The following ARHGEF10 variants were observed in gnomAD, a reference collection of about 807,000 sequenced individuals.
ARHGEF10 encodes Rho guanine nucleotide exchange factor (GEF) 10.
Under a neutral mutation model 147.4 loss-of-function variants are expected in ARHGEF10, and 140 were observed. That is an observed-to-expected ratio of 0.95 (90% CI 0.83 to 1.09). The LOEUF is 1.09. ARHGEF10 is among the 50% of genes least tolerant of loss of function. ARHGEF10 has a pLI of 0.00. For missense variants in ARHGEF10, 2,222 were observed against 1,752.7 expected (o/e 1.27, Z -4.78); for synonymous variants, 902 against 695.8 (o/e 1.30, Z -4.67).
In ARHGEF10 at chr8:1,903,562, C is replaced by T. The variant is rs143817896; in HGVS notation, c.1821+111C>T. The stretch of plus-strand genomic sequence containing the variant: ...TTGGATCGTTTGGAGTAATTCCCTT[C>T]GCCCAGAGTTCTTAACCGGGGTGGA... On this transcript the variant is annotated intron_variant, in intron 16 of 28. Transcript: ENST00000349830. The T allele has an allele frequency of 7.1e-5, 100 of 1,415,942 alleles. No individual in the cohort carries two copies. In the African/African-American group the frequency reaches 1.2e-3, roughly 17 times the overall value. 87.7% of individuals were successfully genotyped at this position (1,415,942 alleles called of 1,614,324 possible).
At position 1,952,754 on chromosome 8, in the gene ARHGEF10, G is replaced by T. The variant is rs767841968; in HGVS notation, c.3447G>T (p.Leu1149=). The part of the protein sequence containing the change: ...VTSLLVCHGL[L]MVGTSLGVLV... Reference sequence around the variant, plus strand: ...GCCTGCTCGTCTGCCACGGATTGCTGATGGTCGGCACCAGCCTGGGAGTCC... The same window carrying T: ...GCCTGCTCGTCTGCCACGGATTGCTTATGGTCGGCACCAGCCTGGGAGTCC... The change falls in exon 28 of 29, where the codon CTG becomes CTT. Residue 1149 remains leucine (L), a synonymous_variant. Transcript: ENST00000349830. 1 of 1,613,464 alleles carries T rather than the reference G, an allele frequency of 6.2e-7. No homozygotes were observed. The highest frequency in any genetic ancestry group is 8.5e-7 in the Non-Finnish European group (1 of 1,180,026).
upstream of ARHGEF10, among the ~76,000 whole-genome samples, chr8:1,823,531 G>A (rs1178480262): frequency 5.9e-5 from 9 of 152,256 alleles, no homozygotes; most frequent in South Asian, 1.0e-3. Flanking sequence ...GGTGCTCTGG[G>A]AGAGGGTTAG....
chr8:1,845,605 C>G (rs959934903), intron 2 of ARHGEF10, among the ~76,000 whole-genome samples: 3 of 152,144 alleles, frequency 2.0e-5, no homozygotes, highest in Non-Finnish European at 4.4e-5. Context: ...CCTGTTTTGC[C>G]CTCTGTTTCA....
rs2129092720 is a variant in ARHGEF10 at position 1,869,178 on chromosome 8, T to A, written c.623-16T>A. On this transcript the variant is annotated splice_polypyrimidine_tract_variant and intron_variant, in intron 6 of 28. Transcript: ENST00000349830. ...TGTTGGTCACTGTTTAAAGTGTTTC[T>A]CCCCGTTTATTGCAGATCCAGAGGA... 6.2e-7 allele frequency: 1 copy of A among 1,611,344 alleles called. No individual in the cohort carries two copies. Among genetic ancestry groups the A allele is most frequent in the Middle Eastern group, 1.7e-4 (1 of 6,060 alleles).
chr8:1,887,271 A>AG (rs1185442080), intron 11 of ARHGEF10, among the ~76,000 whole-genome samples: 7 of 152,278 alleles, frequency 4.6e-5, no homozygotes, highest in Admixed American at 2.6e-4. Flanking sequence ...GGGACTAAAC[A>AG]GGAATCATAA....
intron 7 of ARHGEF10, among the ~76,000 whole-genome samples, chr8:1,871,710 C>T (rs978798911): frequency 1.3e-5 from 2 of 152,152 alleles, no homozygotes; most frequent in East Asian, 1.9e-4. Flanking sequence ...TCCAGCTACT[C>T]GGGTGGCTGA....
intron 15 of ARHGEF10, among the ~76,000 whole-genome samples, chr8:1,901,492 G>T (rs1235599042): frequency 1.3e-5 from 2 of 152,322 alleles, no homozygotes; most frequent in East Asian, 1.9e-4. Context: ...AACATCCATT[G>T]GCCCTGTGAC....
At position 1,859,979 on chromosome 8, in the gene ARHGEF10, TTC is replaced by T. The variant is rs762515316; in HGVS notation, c.278_279del (p.Ser93CysfsTer20). 3.1e-6 allele frequency: 5 copies of T among 1,614,158 alleles called. No individual in the cohort carries two copies. The highest frequency in any genetic ancestry group is 4.2e-6 in the Non-Finnish European group (5 of 1,180,018). ...LVLPMKVNPY[S>X]VIDITPFQED... ...TGCTCCCGATGAAAGTCAACCCATA[TTC>T]TGTCATCGACATCACGCCATTCCAG... is the stretch of plus-strand genomic sequence containing the variant. On this transcript the variant is annotated frameshift_variant, in exon 4 of 29. Transcript: ENST00000349830. LOFTEE classifies it high-confidence loss of function.
At chr8:1,908,513 T>G (rs1390343301) in intron 17 of ARHGEF10, among the ~76,000 whole-genome samples, 1 of 152,162 alleles carries the variant, frequency 6.6e-6, no homozygotes, top group African/African-American at 2.4e-5. Context: ...ATTACAGGCG[T>G]GAGCCACCGC....
At chr8:1,887,718 G>GAAA (rs2129137364) in intron 11 of ARHGEF10, among the ~76,000 whole-genome samples, 1 of 150,024 alleles carries the variant, frequency 6.7e-6, no homozygotes, top group African/African-American at 2.5e-5. Flanking sequence ...GAGGGTTTGT[G>GAAA]AGAAGACGCT....
At position 1,923,863 on chromosome 8, in the gene ARHGEF10, A is replaced by G. The variant is rs1036968602; in HGVS notation, c.2477A>G (p.Lys826Arg). Residue 826 changes from lysine to arginine, a missense_variant, in exon 21 of 29, where the codon AAG (lysine) becomes AGG (arginine). Physicochemically the swap from Lys to Arg is conservative, Grantham distance 26. Coordinates refer to ENST00000349830, the MANE Select transcript of ARHGEF10 (RefSeq NM_014629.4). Reference protein sequence around the residue: ...ESWVNSLQMAKLALEEENHMG... With the variant: ...ESWVNSLQMARLALEEENHMG... ...TGGGTCAACAGCTTACAGATGGCCA[A>G]GCTCGCCCTAGGTAAGGCCTGGCTG... 16 of 1,614,090 alleles carry G rather than the reference A, an allele frequency of 9.9e-6. No individual in the cohort carries two copies. The Middle Eastern group carries it at 1.2e-3, about 116-fold the overall frequency.
At chr8:1,913,419 A>C (rs1391332968) in intron 18 of ARHGEF10, among the ~76,000 whole-genome samples, 1 of 152,368 alleles carries the variant, frequency 6.6e-6, no homozygotes, top group East Asian at 1.9e-4. Context: ...ACACTCCTTC[A>C]GATGTGCAAA....
At chr8:1,912,679 A>T (rs1362288603) in intron 18 of ARHGEF10, among the ~76,000 whole-genome samples, 1 of 152,124 alleles carries the variant, frequency 6.6e-6, no homozygotes, top group African/African-American at 2.4e-5. Flanking sequence ...GCTGGTGACC[A>T]TGGGTCCCCT....
intron 1 of ARHGEF10, among the ~76,000 whole-genome samples, chr8:1,835,465 C>T (rs941251759): frequency 7.9e-5 from 12 of 152,206 alleles, no homozygotes; most frequent in African/African-American, 2.7e-4. Flanking sequence ...CCCTGCCGCC[C>T]CTGCAGCTGT....
At chr8:1,889,500 A>C (rs183058870) in intron 11 of ARHGEF10, among the ~76,000 whole-genome samples, 2 of 42,210 alleles carry the variant, frequency 4.7e-5, no homozygotes, top group African/African-American at 3.1e-4. Flanking sequence ...GGGGTCTGTG[A>C]GGAGACACTG....
chr8:1,927,935 T>A (rs1214474485), intron 23 of ARHGEF10, among the ~76,000 whole-genome samples: 1 of 151,622 alleles, frequency 6.6e-6, no homozygotes, highest in African/African-American at 2.4e-5. Context: ...AGTGAGACTG[T>A]CTCCAAAAAA....
chr8:1,850,464 G>A (rs559187376), intron 2 of ARHGEF10, among the ~76,000 whole-genome samples: 1 of 150,200 alleles, frequency 6.7e-6, no homozygotes, highest in Non-Finnish European at 1.5e-5. Flanking sequence ...GGGCAACCGC[G>A]TGGGCATGGA....
rs768167142 is a variant in ARHGEF10 at position 1,909,495 on chromosome 8, C to T, written c.2143+25C>T. 104 of 1,612,874 alleles carry T rather than the reference C, an allele frequency of 6.4e-5. 1 individual carries two copies. The South Asian group carries it at 7.8e-4, about 12-fold the overall frequency. Reference sequence around the variant, plus strand: ...AGTAAGTGATGCTTTCTCTCACGTTCGTGCCGTGGGGCCAGGGTAACTCTC... The same window carrying T: ...AGTAAGTGATGCTTTCTCTCACGTTTGTGCCGTGGGGCCAGGGTAACTCTC... On this transcript the variant is annotated intron_variant, in intron 18 of 28. Transcript: ENST00000349830.
intron 9 of ARHGEF10, among the ~76,000 whole-genome samples, chr8:1,881,780 G>A (rs1248232046): frequency 6.6e-6 from 1 of 152,206 alleles, no homozygotes; most frequent in Non-Finnish European, 1.5e-5. Flanking sequence ...ACGCGGTGGT[G>A]TGACCCAGAT....
Sources: allele counts gnomAD v4.1 joint callset (sites outside exome capture counted in the v4.1 genomes callset), GRCh38; gene constraint gnomAD v4.1.1; transcripts MANE v1.5; gene names NCBI Gene and HGNC (gene_info 2026-07-23, HGNC 2026-07-21).